The following TCF20 variants were observed in gnomAD, a reference collection of about 807,000 sequenced individuals.
TCF20 encodes transcription factor 20.
In TCF20, 3 loss-of-function variants were observed where a neutral mutation model predicts 148.6. The ratio of observed to expected loss-of-function variants is 0.02; its 90% confidence interval spans 0.01 to 0.05. The LOEUF (loss-of-function observed/expected upper bound fraction) is 0.05, where lower values mean the gene tolerates loss of function less well. Ranked by LOEUF, TCF20 falls within the 10% of genes least tolerant of loss-of-function variation. The probability of loss-of-function intolerance (pLI) is 1.00; values close to 1 mark genes in which losing one functional copy is unlikely to be tolerated. For missense variants in TCF20, 2,350 were observed against 2,429.3 expected (o/e 0.97, Z 0.69); for synonymous variants, 1,049 against 909.5 (o/e 1.15, Z -2.76).
chr22:42,186,191 G>A (rs1399796768), intron 2 of TCF20, among the ~76,000 whole-genome samples: 1 of 152,194 alleles, frequency 6.6e-6, no homozygotes, highest in Non-Finnish European at 1.5e-5. Context: ...AATAAATGTG[G>A]TTGGTCTAAT....
chr22:42,192,471 G>A (rs1016928839), intron 2 of TCF20, among the ~76,000 whole-genome samples: 3 of 152,176 alleles, frequency 2.0e-5, no homozygotes, highest in African/African-American at 7.2e-5. Context: ...ACAGGTTGAG[G>A]TATTGTCAGG....
At chr22:42,294,101 C>G (rs1255773457) in intron 1 of TCF20, among the ~76,000 whole-genome samples, 7 of 152,172 alleles carry the variant, frequency 4.6e-5, no homozygotes, top group Non-Finnish European at 1.5e-5. Flanking sequence ...CCAGGAAGAG[C>G]CTGGGAAGTG....
chr22:42,215,984 G>A (rs1921732880), intron 1 of TCF20, among the ~76,000 whole-genome samples: 1 of 151,218 alleles, frequency 6.6e-6, no homozygotes, highest in African/African-American at 2.4e-5. Context: ...ATTAAAATAT[G>A]GGGCTGTGTT....
At chr22:42,285,700 T>C (rs1210456901), upstream of TCF20, among the ~76,000 whole-genome samples, 4 of 152,142 alleles carry the variant, frequency 2.6e-5, no homozygotes, top group East Asian at 7.7e-4. The surrounding 1 kb of genome is among the most constrained non-coding windows in gnomAD (Gnocchi z 4.2). Flanking sequence ...CTCGAACTCA[T>C]GGGCTCAAGT....
chr22:42,343,081 C>T (rs1928196176), intron 1 of TCF20, among the ~76,000 whole-genome samples: 1 of 152,180 alleles, frequency 6.6e-6, no homozygotes, highest in Admixed American at 6.5e-5. Context: ...TTCTTTTCTA[C>T]AATGAAATAT....
chr22:42,322,285 G>A (rs534373188), intron 1 of TCF20, among the ~76,000 whole-genome samples: 1 of 152,028 alleles, frequency 6.6e-6, no homozygotes, highest in Non-Finnish European at 1.5e-5. Context: ...TGAACACTCA[G>A]AAGATGTATA....
At chr22:42,204,227 G>A (rs1274713231) in intron 2 of TCF20, among the ~76,000 whole-genome samples, 2 of 152,198 alleles carry the variant, frequency 1.3e-5, no homozygotes, top group Admixed American at 1.3e-4. Flanking sequence ...AGGTGCAGTG[G>A]CTCACACCTA....
intron 1 of TCF20, among the ~76,000 whole-genome samples, chr22:42,243,666 T>C (rs1379577213): frequency 2.0e-5 from 3 of 152,114 alleles, no homozygotes; most frequent in Non-Finnish European, 2.9e-5. Context: ...ATCAATACTG[T>C]ATATCAAGTG....
At chr22:42,230,420 T>A (rs1361305235) in intron 1 of TCF20, among the ~76,000 whole-genome samples, 1 of 152,202 alleles carries the variant, frequency 6.6e-6, no homozygotes, top group African/African-American at 2.4e-5. Context: ...AAATAAACTA[T>A]GTTACTGGTT....
At chr22:42,285,509 G>A (rs915395796), upstream of TCF20, among the ~76,000 whole-genome samples, 6 of 152,062 alleles carry the variant, frequency 3.9e-5, no homozygotes, top group African/African-American at 1.2e-4. This position sits in a 1 kb window ranked among gnomAD's most constrained non-coding sequence, Gnocchi z 4.2. Flanking sequence ...AGAATCCACA[G>A]GAGGCATTCC....
At chr22:42,224,983 T>C (rs1411331195) in intron 1 of TCF20, among the ~76,000 whole-genome samples, 2 of 150,436 alleles carry the variant, frequency 1.3e-5, no homozygotes, top group African/African-American at 4.9e-5. Context: ...CATTAATTTT[T>C]GTGTAGGAAA....
Position 42,213,768 on chromosome 22 carries a change from G to C in TCF20, c.1538C>G (p.Ser513Cys), listed in dbSNP as rs1601601602. ...GSSQPEEQLK[S>C]PMAESLDGGC... ...TCCATCTAATGACTCTGCCATAGGG[G>C]ACTTCAGCTGTTCTTCAGGTTGTGA... The change falls in exon 2 of 6, where the codon TCC (serine) becomes TGC (cysteine). Residue 513 changes from serine to cysteine, a missense_variant. Transcript: ENST00000677622. 1 of 1,614,142 alleles carries C rather than the reference G, an allele frequency of 6.2e-7. No individual in the cohort carries two copies. The highest frequency in any genetic ancestry group is 8.5e-7 in the Non-Finnish European group (1 of 1,180,048).
At chr22:42,162,389 C>G (rs561901416) in intron 5 of TCF20, among the ~76,000 whole-genome samples, 76 of 152,272 alleles carry the variant, frequency 5.0e-4, no homozygotes, top group African/African-American at 1.8e-3. Context: ...TTCGACCTCT[C>G]AGGAACCTGA....
rs1028209286 is a variant in TCF20 at position 42,341,743 on chromosome 22, G to A, written c.-37+1736C>T. 4.9e-5 allele frequency among the ~76,000 whole-genome samples: 7 copies of A among 142,962 alleles called. No homozygotes were observed. The South Asian group carries it at 1.0e-3, about 20-fold the overall frequency. 93.8% of individuals were successfully genotyped at this position (142,962 alleles called of 152,430 possible). Reference sequence around the variant, plus strand: ...CTGGACCCTGGGGACACACCAACCCGGGCCCCAGCTCTCCCAGTCTGGATC... The same window carrying A: ...CTGGACCCTGGGGACACACCAACCCAGGCCCCAGCTCTCCCAGTCTGGATC... On this transcript the variant is annotated intron_variant, in intron 1 of 1. Transcript: ENST00000515426.
chr22:42,339,821 C>T (rs1034069542), intron 1 of TCF20, among the ~76,000 whole-genome samples: 10 of 152,324 alleles, frequency 6.6e-5, no homozygotes, highest in East Asian at 5.8e-4. Context: ...CTGATGCTCA[C>T]GGAGCCAGCC....
upstream of TCF20, among the ~76,000 whole-genome samples, chr22:42,286,881 G>A (rs775716442): frequency 1.1e-4 from 17 of 152,174 alleles, no homozygotes; most frequent in African/African-American, 1.7e-4. Flanking sequence ...CCCTTGAACC[G>A]TGGAGGACGT....
chr22:42,314,493 G>C (rs1927595403), intron 1 of TCF20, among the ~76,000 whole-genome samples: 1 of 152,256 alleles, frequency 6.6e-6, no homozygotes, highest in Admixed American at 6.5e-5. Flanking sequence ...AGGCGGCCAG[G>C]CATGTGGGCA....
chr22:42,247,529 C>A (rs573463725), intron 1 of TCF20, among the ~76,000 whole-genome samples: 1 of 151,902 alleles, frequency 6.6e-6, no homozygotes, highest in Non-Finnish European at 1.5e-5. Context: ...GGACACCGAG[C>A]TGCAGCAGAG....
chr22:42,211,727 C>T lies in TCF20; in HGVS notation c.3579G>A (p.Arg1193=). ...KLQESCWDLS[R]QTSPAKSSGP... ...CGCTGCTTTTGGCTGGAGAAGTTTG[C>T]CGAGAAAGATCCCAACAGGATTCTT... The change falls in exon 2 of 6, where the codon CGG becomes CGA. Residue 1193 remains arginine, a synonymous_variant. Coordinates refer to ENST00000677622, the MANE Select transcript of TCF20 (RefSeq NM_001378418.1). 4 of 1,614,156 alleles carry T rather than the reference C, an allele frequency of 2.5e-6. No individual in the cohort carries two copies. Among genetic ancestry groups the T allele is most frequent in the Non-Finnish European group, 2.5e-6 (3 of 1,180,038 alleles).
Sources: gnomAD v4.1 joint callset for allele counts (sites outside exome capture counted in the v4.1 genomes callset) on GRCh38, gnomAD v4.1.1 for gene constraint, Gnocchi (gnomAD v3.1) non-coding constraint, MANE v1.5 for transcripts, NCBI Gene and HGNC (gene_info 2026-07-23, HGNC 2026-07-21) for gene names.